Variants in CLSTN2 observed in about 807,000 individuals in gnomAD.
CLSTN2 encodes the protein calsyntenin-2.
Under a neutral mutation model 101.2 loss-of-function variants are expected in CLSTN2, and 48 were observed. The ratio of observed to expected loss-of-function variants is 0.47; its 90% CI spans 0.38 to 0.60. CLSTN2 has a LOEUF of 0.60. Ranked by LOEUF, CLSTN2 falls within the 20% of genes least tolerant of loss-of-function variation. The pLI is 0.00. For synonymous variants in CLSTN2, 481 were observed against 463.6 expected, an observed-to-expected ratio of 1.04 and a Z score of -0.48; for missense variants, 1,160 against 1,238.2, an observed-to-expected ratio of 0.94 and a Z score of 0.95.
At chr3:140,533,710 C>CAAA (rs71627883) in intron 9 of CLSTN2, among the ~76,000 whole-genome samples, 2,603 of 58,496 alleles carry the variant, frequency 0.044, 201 homozygotes, top group African/African-American at 0.14. Context: ...GACTCCATCT[C>CAAA]AAAAAAAAAA....
At chr3:139,946,808 G>T (rs958341464) in intron 1 of CLSTN2, among the ~76,000 whole-genome samples, 1 of 152,180 alleles carries the variant, frequency 6.6e-6, no homozygotes, top group Non-Finnish European at 1.5e-5. Flanking sequence ...CTTTTATGAG[G>T]CCATGCCTCT....
rs78059832 is a variant in CLSTN2, at chr3:140,159,451, C to A, written c.110-16500C>A. ...ATCATTACTAATCATCAGAGAAATG[C>A]AAATCAAAATCCCAATGAAATATCA... is the stretch of plus-strand genomic sequence containing the variant. On this transcript the variant is annotated intron_variant, in intron 1 of 16. Transcript: ENST00000458420. Among the ~76,000 whole-genome samples the A allele has an allele frequency of 4.9e-3, 741 of 152,102 alleles. 5 individuals are homozygous for A. The highest frequency in any genetic ancestry group is 0.012 in the South Asian group (57 of 4,822).
chr3:140,382,821 T>C (rs2088001621), intron 2 of CLSTN2, among the ~76,000 whole-genome samples: 1 of 152,126 alleles, frequency 6.6e-6, no homozygotes, highest in Non-Finnish European at 1.5e-5. Flanking sequence ...CAATCTCCCT[T>C]AGACCTCATT....
intron 1 of CLSTN2, among the ~76,000 whole-genome samples, chr3:139,977,775 A>G (rs1386181972): frequency 3.9e-5 from 6 of 152,208 alleles, no homozygotes; most frequent in Admixed American, 2.0e-4. Context: ...ACTGCTTAGC[A>G]TAGAACAGAC....
At chr3:139,987,757 A>G (rs1284674820) in intron 1 of CLSTN2, among the ~76,000 whole-genome samples, 1 of 152,218 alleles carries the variant, frequency 6.6e-6, no homozygotes, top group Non-Finnish European at 1.5e-5. Context: ...CTGAGGTACC[A>G]GGCAAACAAC....
intron 1 of CLSTN2, among the ~76,000 whole-genome samples, chr3:140,040,629 A>G (rs1180707780): frequency 6.6e-6 from 1 of 152,104 alleles, no homozygotes; most frequent in Admixed American, 6.6e-5. Context: ...TATTTTATTC[A>G]GTGCTGATGG....
chr3:140,444,338 G>C (rs1485562960), intron 5 of CLSTN2, among the ~76,000 whole-genome samples: 1 of 151,998 alleles, frequency 6.6e-6, no homozygotes, highest in Non-Finnish European at 1.5e-5. Context: ...GCTGAGGCAG[G>C]AGAATTTCTT....
intron 2 of CLSTN2, among the ~76,000 whole-genome samples, chr3:140,304,403 G>T (rs1255907452): frequency 2.6e-5 from 4 of 152,196 alleles, no homozygotes; most frequent in African/African-American, 7.2e-5. Flanking sequence ...GATGCCAACT[G>T]ATTCAGCTCC....
intron 1 of CLSTN2, among the ~76,000 whole-genome samples, chr3:140,146,469 A>C (rs771229067): frequency 2.0e-5 from 3 of 152,266 alleles, no homozygotes; most frequent in African/African-American, 4.8e-5. Context: ...TTTGTGGAGG[A>C]GTCTGTACTG....
intron 1 of CLSTN2, among the ~76,000 whole-genome samples, chr3:140,120,291 G>A (rs992269611): frequency 6.6e-6 from 1 of 152,092 alleles, no homozygotes; most frequent in Non-Finnish European, 1.5e-5. Context: ...AGAACTCAGG[G>A]AAACATGTTT....
intron 4 of CLSTN2, among the ~76,000 whole-genome samples, chr3:140,407,775 A>C (rs1431219093): frequency 6.6e-6 from 1 of 152,180 alleles, no homozygotes; most frequent in Middle Eastern, 3.2e-3. Flanking sequence ...TGGGTCCTCA[A>C]AATTGAATCC....
intron 1 of CLSTN2, among the ~76,000 whole-genome samples, chr3:140,137,836 T>C (rs989052059): frequency 1.3e-5 from 2 of 152,172 alleles, no homozygotes; most frequent in African/African-American, 4.8e-5. Context: ...CATGTCAGAA[T>C]GATTGTGTGA....
intron 2 of CLSTN2, among the ~76,000 whole-genome samples, chr3:140,195,406 G>T (rs2010629717): frequency 6.6e-6 from 1 of 151,994 alleles, no homozygotes; most frequent in African/African-American, 2.4e-5. Flanking sequence ...GCCCCTAGGT[G>T]GTCTGCCTTT....
At chr3:140,412,903 T>C (rs934239497) in intron 4 of CLSTN2, among the ~76,000 whole-genome samples, 5 of 152,102 alleles carry the variant, frequency 3.3e-5, no homozygotes, top group African/African-American at 1.2e-4. Context: ...TAAAAGGGAA[T>C]GATATAGGAA....
chr3:140,438,509 T>C (rs1207100784), intron 5 of CLSTN2, among the ~76,000 whole-genome samples: 4 of 139,516 alleles, frequency 2.9e-5, no homozygotes, highest in South Asian at 2.4e-4. Context: ...AACTAGAATA[T>C]GAAAAAGTAT....
intron 2 of CLSTN2, among the ~76,000 whole-genome samples, chr3:140,225,591 G>A (rs926873912): frequency 6.6e-6 from 1 of 152,020 alleles, no homozygotes; most frequent in African/African-American, 2.4e-5. Context: ...TCCGCCTCCC[G>A]GGTTCAAGTG....
At chr3:140,160,834 G>A (rs1435144004) in intron 1 of CLSTN2, among the ~76,000 whole-genome samples, 1 of 152,062 alleles carries the variant, frequency 6.6e-6, no homozygotes, top group Non-Finnish European at 1.5e-5. Context: ...AGGAACGCTT[G>A]GTGGGGAGTC....
intron 1 of CLSTN2, among the ~76,000 whole-genome samples, chr3:139,987,183 C>T (rs6766209): frequency 0.33 from 49,874 of 151,976 alleles, 10,109 homozygotes; most frequent in Non-Finnish European, 0.46. Context: ...GCTCATATAA[C>T]TTAAAAAGAT....
intron 2 of CLSTN2, among the ~76,000 whole-genome samples, chr3:140,375,046 C>T (rs1041911623): frequency 2.6e-5 from 4 of 152,174 alleles, no homozygotes; most frequent in African/African-American, 7.2e-5. Context: ...GTCTTGATGC[C>T]TGGACTCTAT....
Sources: allele counts gnomAD v4.1 joint callset (sites outside exome capture counted in the v4.1 genomes callset), GRCh38; gene constraint gnomAD v4.1.1; transcripts MANE v1.5; gene names NCBI Gene and HGNC (gene_info 2026-07-23, HGNC 2026-07-21).